The following KALRN variants were observed in gnomAD, a reference collection of about 807,000 sequenced individuals.
KALRN encodes kalirin.
A neutral mutation model predicts 353.7 loss-of-function variants in KALRN; 70 were observed. That is an observed-to-expected ratio of 0.20 (90% confidence interval 0.16 to 0.24). The LOEUF (loss-of-function observed/expected upper bound fraction) is 0.24, where lower values mean the gene tolerates loss of function less well. Among genes scored for constraint, KALRN ranks in the 10% least tolerant of loss-of-function variants. The pLI, the probability that KALRN is intolerant of heterozygous loss-of-function variation, is 1.00. For missense variants in KALRN, 2,791 were observed against 3,756.7 expected (o/e 0.74, Z 6.72); for synonymous variants, 1,391 against 1,434.8 (o/e 0.97, Z 0.69).
intron 1 of KALRN, among the ~76,000 whole-genome samples, chr3:124,060,407 T>G (rs1442423664): frequency 6.6e-6 from 1 of 152,240 alleles, no homozygotes; most frequent in African/African-American, 2.4e-5. Flanking sequence ...TTTCTTTCAC[T>G]ATCTCTCTCT....
intron 3 of KALRN, among the ~76,000 whole-genome samples, chr3:124,254,633 G>A (rs1192743861): frequency 2.0e-5 from 3 of 152,116 alleles, no homozygotes; most frequent in African/African-American, 7.2e-5. Flanking sequence ...GTATATAAAT[G>A]TTAATACAGA....
chr3:124,332,539 T>C (rs529212704), intron 8 of KALRN, among the ~76,000 whole-genome samples: 1 of 152,236 alleles, frequency 6.6e-6, no homozygotes, highest in Non-Finnish European at 1.5e-5. Flanking sequence ...ATTGGAAAGA[T>C]GCATGTTCTG....
chr3:124,401,320 C>T (rs756534231), intron 13 of KALRN, among the ~76,000 whole-genome samples: 30 of 152,024 alleles, frequency 2.0e-4, no homozygotes, highest in African/African-American at 6.3e-4. Context: ...GCCTGGGCAA[C>T]GTGGTGAAAC....
intron 31 of KALRN, among the ~76,000 whole-genome samples, chr3:124,492,443 G>C (rs1356430922): frequency 6.6e-6 from 1 of 152,172 alleles, no homozygotes; most frequent in Non-Finnish European, 1.5e-5. Context: ...TCCAGATACT[G>C]TTCCACCTCC....
chr3:124,434,629 C>A, intron 17 of KALRN, 104 bp downstream of exon 17: 1 of 927,282 alleles, frequency 1.1e-6, no homozygotes. Context: ...GAAGCCTGTC[C>A]TTTCAGTACT....
chr3:124,270,819 G>GTTTT (rs1553885259), intron 5 of KALRN, among the ~76,000 whole-genome samples: 7 of 68,020 alleles, frequency 1.0e-4, no homozygotes, highest in African/African-American at 2.6e-4. Context: ...TTATTTTTTT[G>GTTTT]TTTTGTTTTT....
At chr3:124,298,214 A>G (rs1045715878) in intron 5 of KALRN, among the ~76,000 whole-genome samples, 1 of 152,198 alleles carries the variant, frequency 6.6e-6, no homozygotes, top group Non-Finnish European at 1.5e-5. Context: ...TGCTAGCACC[A>G]GGTGGTACTT....
At chr3:124,329,692 T>C (rs1486561858) in intron 7 of KALRN, among the ~76,000 whole-genome samples, 169 bp from the exon 8 acceptor site, 1 of 152,122 alleles carries the variant, frequency 6.6e-6, no homozygotes, top group African/African-American at 2.4e-5. Context: ...GATTTCTTAC[T>C]AGGAGTTAGT....
intron 1 of KALRN, among the ~76,000 whole-genome samples, chr3:124,103,041 C>G (rs1473231608): frequency 1.3e-5 from 2 of 152,150 alleles, no homozygotes; most frequent in African/African-American, 2.4e-5. Context: ...ACCCCGGACT[C>G]CTGTCTAGGA....
At chr3:124,556,217 A>G (rs1165682052) in intron 33 of KALRN, among the ~76,000 whole-genome samples, 1 of 152,148 alleles carries the variant, frequency 6.6e-6, no homozygotes, top group Admixed American at 6.5e-5. Context: ...CAACTAAACC[A>G]AACAGCTCCT....
intron 34 of KALRN, among the ~76,000 whole-genome samples, chr3:124,574,659 C>T (rs1469915326): frequency 6.6e-6 from 1 of 152,206 alleles, no homozygotes; most frequent in African/African-American, 2.4e-5. Context: ...AATGTTCCCC[C>T]AGAGGAAAGA....
At chr3:124,226,140 C>A (rs2078475368) in intron 1 of KALRN, among the ~76,000 whole-genome samples, 1 of 152,094 alleles carries the variant, frequency 6.6e-6, no homozygotes, top group Non-Finnish European at 1.5e-5. Flanking sequence ...ATCCTTGATC[C>A]TTGTCTAACA....
intron 3 of KALRN, among the ~76,000 whole-genome samples, chr3:124,258,047 G>A (rs1361463029): frequency 6.6e-6 from 1 of 152,198 alleles, no homozygotes; most frequent in African/African-American, 2.4e-5. Context: ...TCAAACTGCT[G>A]TCATTTGAGC....
At position 124,539,770 on chromosome 3, in the gene KALRN, T is replaced by A. The variant is rs536233201; in HGVS notation, c.4936-23073T>A. ...TTGACTTTATTTGTATCATTTTGTG[T>A]TTTTTTTTGAGATAGGTCTCATTCT... On this transcript the variant is annotated intron_variant, in intron 33 of 59. Transcript: ENST00000682506. Among the ~76,000 whole-genome samples, 10 of 149,402 alleles carry A rather than the reference T, an allele frequency of 6.7e-5. No homozygotes were observed. The South Asian group carries it at 2.1e-3, about 31-fold the overall frequency.
chr3:124,367,289 A>AC (rs1187891287), intron 10 of KALRN, among the ~76,000 whole-genome samples: 1 of 40,106 alleles, frequency 2.5e-5, no homozygotes, highest in Admixed American at 2.3e-4. Flanking sequence ...CGGGGGGCTG[A>AC]CCCCCCCACC....
At chr3:124,637,441 A>G in intron 37 of KALRN, 138 bp downstream of exon 37, 1 of 699,432 alleles carries the variant, frequency 1.4e-6, no homozygotes, top group South Asian at 1.7e-5. Context: ...GTTTCTAAAA[A>G]GCTGTACCCC....
intron 51 of KALRN, among the ~76,000 whole-genome samples, chr3:124,687,401 G>A (rs2150538379): frequency 6.6e-6 from 1 of 152,248 alleles, no homozygotes; most frequent in South Asian, 2.1e-4. Context: ...TGCATACACA[G>A]CAACGCACCC....
Position 124,720,622 on chromosome 3 carries a change from T to C in KALRN, c.*1152T>C, listed in dbSNP as rs1459062981. 1 of 152,624 alleles carries C rather than the reference T, an allele frequency of 6.6e-6. No homozygotes were observed. The highest frequency in any genetic ancestry group is 1.5e-5 in the Non-Finnish European group (1 of 68,024). The allele number at this position is 152,624 out of a possible 1,614,324, so 9.5% of individuals were successfully genotyped here. ...TGGAACAAAACCTGATACATCACCC[T>C]AACAGAGCATTAAGTTGTAACTGAG... On this transcript the variant is annotated 3_prime_UTR_variant, in exon 60 of 60. Transcript: ENST00000682506.
intron 1 of KALRN, among the ~76,000 whole-genome samples, chr3:124,069,997 A>C (rs1377015753): frequency 6.6e-6 from 1 of 152,194 alleles, no homozygotes; most frequent in Non-Finnish European, 1.5e-5. Flanking sequence ...CTTGCTTTGA[A>C]AGGGATTTAC....
Sources: allele counts gnomAD v4.1 joint callset (sites outside exome capture counted in the v4.1 genomes callset), GRCh38; gene constraint gnomAD v4.1.1; transcripts MANE v1.5; gene names NCBI Gene and HGNC (gene_info 2026-07-23, HGNC 2026-07-21).